MAPRE2: variants seen among roughly 807,000 people sequenced by gnomAD.
MAPRE2 encodes the protein microtubule associated protein RP/EB family member 2, also known as microtubule-associated protein RP/EB family member 2.
Under a neutral mutation model 43.2 loss-of-function variants are expected in MAPRE2, and 13 were observed. That is an observed-to-expected ratio of 0.30 (90% CI 0.20 to 0.48). The LOEUF (loss-of-function observed/expected upper bound fraction) is 0.48, where lower values mean the gene tolerates loss of function less well. Among genes scored for constraint, MAPRE2 ranks in the 20% least tolerant of loss-of-function variants. MAPRE2 has a pLI of 0.99. For missense variants in MAPRE2, 161 were observed against 400.2 expected (o/e 0.40, Z 5.10); for synonymous variants, 135 against 148.8 (o/e 0.91, Z 0.68).
intron 1 of MAPRE2, among the ~76,000 whole-genome samples, chr18:35,002,688 T>C (rs183707551): frequency 6.6e-6 from 1 of 152,214 alleles, no homozygotes; most frequent in Admixed American, 6.5e-5. Context: ...TTAATATTAT[T>C]TGCTTTCCGT....
At chr18:35,093,717 A>T (rs1439355316) in intron 2 of MAPRE2, among the ~76,000 whole-genome samples, 1 of 152,188 alleles carries the variant, frequency 6.6e-6, no homozygotes. Context: ...GACAGAGTTG[A>T]TCTCATAGAA....
rs536484480 is a variant in MAPRE2 at position 35,008,985 on chromosome 18, C to CAT, written c.-8+3443_-8+3444dup. 2.9e-3 allele frequency among the ~76,000 whole-genome samples: 435 copies of CAT among 149,732 alleles called. 5 individuals are homozygous for CAT. The highest frequency in any genetic ancestry group is 0.01 in the African/African-American group (413 of 41,082). On this transcript the variant is annotated intron_variant, in intron 2 of 7. Coordinates refer to the MAPRE2 transcript ENST00000413393. ...GTGTGCATGCACGTGTGTGTGTGTA[C>CAT]ATATATATATATGAATGATGTGCTC...
chr18:35,089,933 T>C (rs750824028), intron 2 of MAPRE2, among the ~76,000 whole-genome samples: 10 of 152,104 alleles, frequency 6.6e-5, no homozygotes, highest in Admixed American at 2.0e-4. Context: ...ATTCATAAAA[T>C]GGAATATTAT....
At chr18:34,983,715 C>T (rs1259558078) in intron 1 of MAPRE2, among the ~76,000 whole-genome samples, 7 of 152,136 alleles carry the variant, frequency 4.6e-5, no homozygotes, top group Non-Finnish European at 1.0e-4. Context: ...CTGCAACCTC[C>T]ACCTCCCAGG....
upstream of MAPRE2, among the ~76,000 whole-genome samples, chr18:35,041,014 A>T (rs1905313154): frequency 6.6e-6 from 1 of 152,222 alleles, no homozygotes; most frequent in Non-Finnish European, 1.5e-5. Context: ...AACCTGACCA[A>T]GTTTAATTGT....
intron 2 of MAPRE2, among the ~76,000 whole-genome samples, chr18:35,009,886 A>G (rs910859209): frequency 6.6e-6 from 1 of 152,286 alleles, no homozygotes; most frequent in East Asian, 1.9e-4. Flanking sequence ...AGGGTTAGAC[A>G]GTGGCATTAC....
At chr18:35,073,526 A>C (rs189195135) in intron 2 of MAPRE2, among the ~76,000 whole-genome samples, 1 of 152,312 alleles carries the variant, frequency 6.6e-6, no homozygotes, top group East Asian at 1.9e-4. Flanking sequence ...CAGGAAAAAC[A>C]TACAGGAAAT....
intron 1 of MAPRE2, among the ~76,000 whole-genome samples, chr18:35,057,279 C>T (rs1276109146): frequency 1.5e-4 from 23 of 152,152 alleles, no homozygotes; most frequent in African/African-American, 4.8e-4. Context: ...CCTCCCAAAG[C>T]GCTAGTATTA....
intron 1 of MAPRE2, chr18:34,988,889 G>C (rs1214239555): frequency 6.6e-6 from 1 of 152,002 alleles, no homozygotes; most frequent in Non-Finnish European, 1.5e-5. Context: ...CTAGAATTCT[G>C]TATAATCTTG....
At chr18:34,992,378 T>C (rs1329280564) in intron 1 of MAPRE2, among the ~76,000 whole-genome samples, 3 of 152,228 alleles carry the variant, frequency 2.0e-5, no homozygotes, top group Admixed American at 6.5e-5. Context: ...ATCATTCTTA[T>C]TGTTCTTTAT....
chr18:35,011,009 G>C (rs1274554186), intron 2 of MAPRE2, among the ~76,000 whole-genome samples: 1 of 152,118 alleles, frequency 6.6e-6, no homozygotes, highest in Admixed American at 6.6e-5. Context: ...TTATGTATCA[G>C]GTATTAAGCT....
At chr18:34,998,004 T>C (rs910588584) in intron 1 of MAPRE2, among the ~76,000 whole-genome samples, 2 of 152,340 alleles carry the variant, frequency 1.3e-5, no homozygotes. Context: ...TCCCCAGTAG[T>C]TGTTTTAATC....
chr18:35,118,250 G>A (rs552071898), intron 4 of MAPRE2, among the ~76,000 whole-genome samples: 20 of 152,098 alleles, frequency 1.3e-4, no homozygotes, highest in African/African-American at 2.2e-4. Context: ...CGCCTCACTC[G>A]TATGCTCTCC....
At chr18:35,041,407 A>T (rs1361093077), upstream of MAPRE2, 6 of 1,533,988 alleles carry the variant, frequency 3.9e-6, no homozygotes, top group Non-Finnish European at 4.4e-6. Context: ...CGCGAGCGAG[A>T]GCTGGGAGAA....
intron 4 of MAPRE2, among the ~76,000 whole-genome samples, chr18:35,122,794 G>A (rs1036404927): frequency 3.3e-5 from 5 of 152,208 alleles, no homozygotes; most frequent in Non-Finnish European, 5.9e-5. Flanking sequence ...GGGGCCCTAG[G>A]CCACCACCTG....
chr18:35,125,214 C>G (rs1909856705), intron 4 of MAPRE2, among the ~76,000 whole-genome samples: 2 of 152,194 alleles, frequency 1.3e-5, no homozygotes, highest in African/African-American at 4.8e-5. Flanking sequence ...CCCCAGGCAC[C>G]TGAAGACACA....
intron 2 of MAPRE2, among the ~76,000 whole-genome samples, chr18:35,087,254 G>GT (rs140547240): frequency 2.6e-5 from 4 of 152,068 alleles, no homozygotes; most frequent in Non-Finnish European, 4.4e-5. Flanking sequence ...AGAAAGAATA[G>GT]TTTTTTCCCC....
upstream of MAPRE2, chr18:35,041,338 G>A (rs112135873): frequency 6.9e-4 from 996 of 1,436,032 alleles, 8 homozygotes; most frequent in African/African-American, 0.013. Flanking sequence ...CGTGACCAGG[G>A]TGCTGCTGCC....
chr18:35,099,489 C>A (rs1037414574), intron 3 of MAPRE2, among the ~76,000 whole-genome samples: 6 of 152,068 alleles, frequency 3.9e-5, no homozygotes, highest in African/African-American at 1.4e-4. Flanking sequence ...GTGGCACATA[C>A]GTGTAGGCTC....
Sources: allele counts gnomAD v4.1 joint callset (sites outside exome capture counted in the v4.1 genomes callset), GRCh38; gene constraint gnomAD v4.1.1; transcripts MANE v1.5; gene names NCBI Gene and HGNC (gene_info 2026-07-23, HGNC 2026-07-21).